Variants in LCT observed in about 807,000 individuals in gnomAD.
LCT encodes the protein lactase.
LCT carries 90 observed loss-of-function variants against 173.0 expected under a neutral mutation model. That is an observed-to-expected ratio of 0.52 (90% CI 0.44 to 0.62). LCT has a LOEUF of 0.62. Ranked by LOEUF, LCT falls within the 20% of genes least tolerant of loss-of-function variation. LCT has a pLI of 0.00. For missense variants in LCT, 1,864 were observed against 2,431.4 expected (o/e 0.77, Z 4.91); for synonymous variants, 853 against 957.6 (o/e 0.89, Z 2.02).
chr2:135,809,748 C>T lies in LCT; in HGVS notation c.2599G>A (p.Val867Ile), dbSNP rs756214563. 3 of 1,614,236 alleles carry T rather than the reference C, an allele frequency of 1.9e-6. No individual in the cohort carries two copies. In the South Asian group the frequency reaches 3.3e-5, roughly 18 times the overall value. ...PPNTVNLPSK[V>I]RAFTFPSEVP... ...TCAGATGGAAAAGTGAAGGCTCTGA[C>T]TTTGGAGGGGAGGTTTACTGTATTA... The change falls in exon 8 of 17, where the codon GTC (valine) becomes ATC (isoleucine). Residue 867 changes from valine to isoleucine, a missense_variant. Coordinates refer to ENST00000264162, the MANE Select transcript of LCT (RefSeq NM_002299.4). The surrounding 1 kb of genome is among the most constrained non-coding windows in gnomAD (Gnocchi z 5.5).
In LCT at chr2:135,820,883, A is replaced by AT. The variant is rs753664109; in HGVS notation, c.986+1136dup. On this transcript the variant is annotated intron_variant, in intron 5 of 16. Transcript: ENST00000264162. Reference sequence around the variant, plus strand: ...GGGCACAACCTCAAAACCTGCTCTAATTTTTTTTTTTTTTGGAGATGGAGT... The same window carrying AT: ...GGGCACAACCTCAAAACCTGCTCTAATTTTTTTTTTTTTTTGGAGATGGAGT... Among the ~76,000 whole-genome samples the AT allele has an allele frequency of 9.1e-3, 1,317 of 144,924 alleles. 15 individuals are homozygous for AT. The highest frequency in any genetic ancestry group is 0.023 in the African/African-American group (924 of 39,770).
In LCT at chr2:135,804,055, T is replaced by G; in HGVS notation, c.4538A>C (p.Gln1513Pro). The G allele has an allele frequency of 6.2e-7, 1 of 1,614,172 alleles. No homozygotes were observed. The highest frequency in any genetic ancestry group is 2.2e-5 in the East Asian group (1 of 44,878). Residue 1513 changes from glutamine (Q) to proline (P), a missense_variant, in exon 11 of 17, where the codon CAG becomes CCG. By Grantham distance (76) the Gln-to-Pro change is moderately conservative. Coordinates refer to ENST00000264162, the MANE Select transcript of LCT (RefSeq NM_002299.4). The stretch of plus-strand genomic sequence containing the variant: ...CACATCTGCATACTCCTTAAACCGC[T>G]GCACGATGGTCTCATTCTCCCAGCC... ...VGGWENETIV[Q>P]RFKEYADVLF...
chr2:135,799,325 C>T (rs755702597), intron 12 of LCT, among the ~76,000 whole-genome samples: 12 of 152,082 alleles, frequency 7.9e-5, no homozygotes, highest in Admixed American at 6.5e-4. Context: ...GCCTTTCCTT[C>T]CTGATGCAAA....
rs374241792 is a variant in LCT, at chr2:135,809,575, G to T, written c.2772C>A (p.Ala924=). 1 of 1,614,208 alleles carries T rather than the reference G, an allele frequency of 6.2e-7. No individual in the cohort carries two copies. The change falls in exon 8 of 17, where the codon GCC becomes GCA. Residue 924 remains alanine, a synonymous_variant. Coordinates refer to ENST00000264162, the MANE Select transcript of LCT (RefSeq NM_002299.4). The surrounding 1 kb of genome is among the most constrained non-coding windows in gnomAD (Gnocchi z 5.5). Reference sequence around the variant, plus strand: ...CCCAGATGCTGGGGCCTTTGCCATCGGCATCCCACGCGCCTTCAATCTGAT... The same window carrying T: ...CCCAGATGCTGGGGCCTTTGCCATCTGCATCCCACGCGCCTTCAATCTGAT... The part of the protein sequence containing the change: ...SAYQIEGAWD[A]DGKGPSIWDN...
chr2:135,826,135 A>G (rs2077886714), intron 3 of LCT, among the ~76,000 whole-genome samples: 1 of 152,226 alleles, frequency 6.6e-6, no homozygotes, highest in Non-Finnish European at 1.5e-5. Flanking sequence ...AGTAAAAGGA[A>G]TAGATAACCA....
rs565990613 is a variant in LCT, at chr2:135,809,951, C to T, written c.2396G>A (p.Arg799His). Reference sequence around the variant, plus strand: ...GCCTTCGAAGCCATCAATGAGGGAACGAGCAATGTAGGAACGAACATCCAC... The same window carrying T: ...GCCTTCGAAGCCATCAATGAGGGAATGAGCAATGTAGGAACGAACATCCAC... ...DSVDVRSYIA[R>H]SLIDGFEGPS... Residue 799 changes from arginine (R) to histidine (H), a missense_variant, in exon 8 of 17, where the codon CGT becomes CAT. Physicochemically the swap from Arg to His is conservative, Grantham distance 29 (BLOSUM62 0). Transcript: ENST00000264162. The surrounding 1 kb of genome is among the most constrained non-coding windows in gnomAD (Gnocchi z 5.5). 1.7e-5 allele frequency: 27 copies of T among 1,613,990 alleles called. No individual in the cohort carries two copies. The highest frequency in any genetic ancestry group is 6.7e-5 in the East Asian group (3 of 44,888).
chr2:135,808,304 A>G (rs2077694121), intron 8 of LCT, 139 bp downstream of exon 8: 1 of 830,036 alleles, frequency 1.2e-6, no homozygotes, highest in South Asian at 1.3e-5. Flanking sequence ...ATAACCCCCA[A>G]ACAGATAAAG....
rs1259707605 is a variant in LCT, at chr2:135,808,599, G to A, written c.3748C>T (p.Pro1250Ser). The change falls in exon 8 of 17, where the codon CCC becomes TCC. Residue 1250 changes from proline (P) to serine (S), a missense_variant. This residue lies in a region of LCT where 755 missense variants were observed against 926.3 expected (regional missense o/e 0.82). Coordinates refer to ENST00000264162, the MANE Select transcript of LCT (RefSeq NM_002299.4). ...TTCAGCAGCCTTCGCGTCCCCCAGG[G>A]CGCAGCTCTGTTCATTGCCGTGGAA... ...WPSTAMNRAA[P>S]WGTRRLLNWI... 2.5e-6 allele frequency: 4 copies of A among 1,614,100 alleles called. No homozygotes were observed.
intron 6 of LCT, 73 bp from the exon 7 acceptor site, chr2:135,813,029 A>C: frequency 7.5e-7 from 1 of 1,334,972 alleles, no homozygotes. Flanking sequence ...TAATGAACCA[A>C]TAACAAGTCA....
intron 3 of LCT, among the ~76,000 whole-genome samples, chr2:135,825,103 G>A (rs942994457): frequency 1.3e-5 from 2 of 152,030 alleles, no homozygotes; most frequent in African/African-American, 4.8e-5. Context: ...CAAGGAAAAC[G>A]TCTCAGGGCT....
chr2:135,803,958 C>G lies in LCT; in HGVS notation c.4635G>C (p.Gln1545His). 1 of 1,614,160 alleles carries G rather than the reference C, an allele frequency of 6.2e-7. No individual in the cohort carries two copies. Among genetic ancestry groups the G allele is most frequent in the Non-Finnish European group, 8.5e-7 (1 of 1,180,014 alleles). Residue 1545 changes from glutamine to histidine, a missense_variant, in exon 11 of 17, where the codon CAG (glutamine) becomes CAC (histidine). By Grantham distance (24) the Gln-to-His change is conservative (BLOSUM62 0). This residue lies in a region of LCT where 514 missense variants were observed against 750.1 expected (regional missense o/e 0.69). Transcript: ENST00000264162. ...TLNEPFVIAY[Q>H]GYGYGTAAPG... ...GAGCTGCTGTTCCGTAGCCATAGCC[C>G]TGGTAAGCAATGACAAAGGGCTCAT...
intron 5 of LCT, 102 bp from the exon 6 acceptor site, chr2:135,818,163 AG>A: frequency 7.2e-7 from 1 of 1,392,996 alleles, no homozygotes; most frequent in East Asian, 2.3e-5. Flanking sequence ...AAAAGATTCC[AG>A]AAACACTGAG....
At chr2:135,815,075 A>C (rs573644852) in intron 6 of LCT, among the ~76,000 whole-genome samples, 1 of 152,268 alleles carries the variant, frequency 6.6e-6, no homozygotes, top group Admixed American at 6.5e-5. Flanking sequence ...GGCTGCCTGC[A>C]GGCCAGGAAG....
At chr2:135,822,278 T>C (rs2077840902) in intron 4 of LCT, 180 bp from the exon 5 acceptor site, 1 of 598,480 alleles carries the variant, frequency 1.7e-6, no homozygotes, top group Non-Finnish European at 3.0e-6. Flanking sequence ...TCTACTTACT[T>C]ATTACTTAAA....
intron 9 of LCT, 70 bp from the exon 10 acceptor site, chr2:135,805,127 G>C: frequency 7.1e-7 from 1 of 1,417,954 alleles, no homozygotes; most frequent in Non-Finnish European, 1.0e-6. Flanking sequence ...TCTTTCACTG[G>C]GTGAGTCTCA....
intron 4 of LCT, chr2:135,822,389 A>C: frequency 2.5e-6 from 1 of 406,228 alleles, no homozygotes. Context: ...AGTAGGTCTC[A>C]AGTAGGGCTC....
At chr2:135,822,159 A>G in intron 4 of LCT, 61 bp from the exon 5 acceptor site, 1 of 1,016,488 alleles carries the variant, frequency 9.8e-7, no homozygotes. Context: ...TGCAAGTCTG[A>G]AATCAACAGT....
rs749874029 is a variant in LCT at position 135,789,687 on chromosome 2, C to G, written c.5447G>C (p.Ser1816Thr). 1 of 1,614,176 alleles carries G rather than the reference C, an allele frequency of 6.2e-7. No homozygotes were observed. The highest frequency in any genetic ancestry group is 1.7e-5 in the Admixed American group (1 of 60,032). The change falls in exon 16 of 17, where the codon AGT becomes ACT. Residue 1816 changes from serine to threonine, a missense_variant. Around this residue, in one of 4 missense-constraint regions of LCT, gnomAD observed 514 missense variants for 750.1 expected, o/e 0.69. Coordinates refer to ENST00000264162, the MANE Select transcript of LCT (RefSeq NM_002299.4). The part of the protein sequence containing the change: ...ERFGLHFVNY[S>T]DPSLPRIPKA... ...GGGGATCCTTGGCAGAGAAGGGTCACTGTAGTTCACAAAATGCAGACCAAA... is the reference window on the plus strand; with the variant it reads ...GGGGATCCTTGGCAGAGAAGGGTCAGTGTAGTTCACAAAATGCAGACCAAA...
Position 135,805,167 on chromosome 2 carries a change from G to A in LCT, c.4174-110C>T, listed in dbSNP as rs556965148. On this transcript the variant is annotated intron_variant, in intron 9 of 16. Coordinates refer to ENST00000264162, the MANE Select transcript of LCT (RefSeq NM_002299.4). ...AGGACGTTTACTCTTTTGTGATAAC[G>A]CTTAGCTTAAAACAAGCACATTGGT... The A allele has an allele frequency of 4.5e-5, 49 of 1,086,952 alleles. No homozygotes were observed. In the African/African-American group the frequency reaches 4.9e-4, roughly 11 times the overall value. 67.3% of individuals were successfully genotyped at this position (1,086,952 alleles called of 1,614,324 possible).
Sources: allele counts gnomAD v4.1 joint callset (sites outside exome capture counted in the v4.1 genomes callset), GRCh38; gene constraint gnomAD v4.1.1; regional missense constraint gnomAD v4.1.1; non-coding constraint Gnocchi (gnomAD v3.1); transcripts MANE v1.5; gene names NCBI Gene and HGNC (gene_info 2026-07-23, HGNC 2026-07-21).